GMDS: variants seen among roughly 807,000 people sequenced by gnomAD.
GMDS encodes GDP-mannose 4,6 dehydratase.
A neutral mutation model predicts 49.9 loss-of-function variants in GMDS; 20 were observed. The ratio of observed to expected loss-of-function variants is 0.40; its 90% CI spans 0.28 to 0.58. The LOEUF (loss-of-function observed/expected upper bound fraction) is 0.58, where lower values mean the gene tolerates loss of function less well. GMDS is among the 20% of genes least tolerant of loss of function. The pLI is 0.42. For synonymous variants in GMDS, 177 were observed against 178.6 expected, an observed-to-expected ratio of 0.99 and a Z score of 0.07; for missense variants, 362 against 481.4, an observed-to-expected ratio of 0.75 and a Z score of 2.32.
chr6:1,629,295 AAC>A (rs1762929330), intron 9 of GMDS, among the ~76,000 whole-genome samples: 2 of 152,182 alleles, frequency 1.3e-5, no homozygotes, highest in Admixed American at 1.3e-4. Flanking sequence ...AGCGGTAATG[AAC>A]ATTTCCCCTC....
chr6:2,039,305 G>A (rs1166850815), intron 4 of GMDS, among the ~76,000 whole-genome samples: 1 of 152,098 alleles, frequency 6.6e-6, no homozygotes, highest in African/African-American at 2.4e-5. Context: ...TTGATGTGAA[G>A]GCCTAGGACA....
At chr6:2,012,075 A>G (rs1277247973) in intron 4 of GMDS, among the ~76,000 whole-genome samples, 1 of 152,200 alleles carries the variant, frequency 6.6e-6, no homozygotes, top group African/African-American at 2.4e-5. Context: ...GTACACATGG[A>G]CATAGAGAGT....
chr6:1,854,786 G>A (rs185919671), intron 7 of GMDS, among the ~76,000 whole-genome samples: 1 of 152,282 alleles, frequency 6.6e-6, no homozygotes, highest in Non-Finnish European at 1.5e-5. Flanking sequence ...TTAGAGGAGA[G>A]GAGATACCTC....
chr6:2,016,919 T>G (rs182792944), intron 4 of GMDS, among the ~76,000 whole-genome samples: 3 of 152,266 alleles, frequency 2.0e-5, no homozygotes, highest in African/African-American at 7.2e-5. Context: ...GCTGGGAGGC[T>G]AATTATGGTT....
chr6:1,669,917 CAAA>C (rs66490758), intron 9 of GMDS, among the ~76,000 whole-genome samples: 43 of 45,224 alleles, frequency 9.5e-4, no homozygotes, highest in African/African-American at 3.7e-3. Flanking sequence ...GACTCCATCT[CAAA>C]AAAAAAAAAA....
At chr6:1,818,703 T>C (rs1032359511) in intron 7 of GMDS, among the ~76,000 whole-genome samples, 6 of 151,860 alleles carry the variant, frequency 4.0e-5, no homozygotes, top group Admixed American at 3.9e-4. Flanking sequence ...TGTATGTATG[T>C]ACATATATAC....
chr6:2,212,254 T>A (rs752635052), intron 1 of GMDS, among the ~76,000 whole-genome samples: 1 of 152,210 alleles, frequency 6.6e-6, no homozygotes, highest in African/African-American at 2.4e-5. Context: ...GGCTCTACTG[T>A]TATTTTCTAC....
intron 7 of GMDS, among the ~76,000 whole-genome samples, chr6:1,807,279 C>G (rs769590683): frequency 2.5e-4 from 38 of 152,172 alleles, no homozygotes; most frequent in African/African-American, 8.2e-4. Context: ...TGGGCTCAGG[C>G]AATCCTCCCA....
At chr6:1,814,588 C>A (rs1770578497) in intron 7 of GMDS, among the ~76,000 whole-genome samples, 1 of 152,098 alleles carries the variant, frequency 6.6e-6, no homozygotes, top group African/African-American at 2.4e-5. Context: ...TTTTAAGGAA[C>A]TCTAAAGTAA....
chr6:2,181,194 AAGAC>A (rs1464198733), intron 1 of GMDS, among the ~76,000 whole-genome samples: 10 of 151,248 alleles, frequency 6.6e-5, no homozygotes, highest in South Asian at 4.2e-4. Context: ...AAAAAAAAAA[AAGAC>A]AGATCGATGA....
At chr6:2,136,878 G>T (rs1401307217) in intron 1 of GMDS, among the ~76,000 whole-genome samples, 1 of 148,096 alleles carries the variant, frequency 6.8e-6, no homozygotes, top group East Asian at 2.0e-4. Context: ...ATTCTAGCCT[G>T]GGTGACAGAG....
chr6:1,803,685 G>GGT, intron 7 of GMDS, among the ~76,000 whole-genome samples: 1 of 152,296 alleles, frequency 6.6e-6, no homozygotes, highest in East Asian at 1.9e-4. Flanking sequence ...ATACCTGAGA[G>GGT]GTGTTGATCA....
At chr6:1,988,687 G>C (rs2127358826) in intron 4 of GMDS, among the ~76,000 whole-genome samples, 1 of 152,234 alleles carries the variant, frequency 6.6e-6, no homozygotes, top group Middle Eastern at 3.4e-3. Context: ...ATAGGCTTAA[G>C]TATTGTCAAT....
At chr6:2,199,090 C>G (rs1283277275) in intron 1 of GMDS, among the ~76,000 whole-genome samples, 3 of 152,176 alleles carry the variant, frequency 2.0e-5, no homozygotes, top group East Asian at 1.9e-4. Context: ...ATGTAATTCC[C>G]TAATTCATAT....
intron 7 of GMDS, among the ~76,000 whole-genome samples, chr6:1,874,677 G>C (rs1758944150): frequency 6.6e-6 from 1 of 152,112 alleles, no homozygotes; most frequent in African/African-American, 2.4e-5. Context: ...ATATACATGT[G>C]TATATATAAA....
At chr6:1,683,404 T>G (rs1764863476) in intron 9 of GMDS, among the ~76,000 whole-genome samples, 1 of 152,220 alleles carries the variant, frequency 6.6e-6, no homozygotes, top group South Asian at 2.1e-4. Context: ...ATTACAGGCG[T>G]GAGCCACCGC....
intron 7 of GMDS, 74 bp from the exon 8 acceptor site, chr6:1,742,660 T>A: frequency 1.3e-6 from 1 of 796,472 alleles, no homozygotes; most frequent in Non-Finnish European, 2.2e-6. Context: ...GTGCACATAA[T>A]CAGATATGGA....
intron 4 of GMDS, among the ~76,000 whole-genome samples, chr6:1,998,238 T>A (rs1261928296): frequency 1.3e-5 from 2 of 152,074 alleles, no homozygotes; most frequent in Non-Finnish European, 2.9e-5. Context: ...GAAAGAATCA[T>A]CAACCTAACG....
In GMDS at chr6:1,960,974, A is replaced by C. The variant is rs765001265; in HGVS notation, c.346-8T>G. The C allele has an allele frequency of 6.6e-7, 1 of 1,519,862 alleles. No homozygotes were observed. Among genetic ancestry groups the C allele is most frequent in the Non-Finnish European group, 9.0e-7 (1 of 1,114,398 alleles). 94.1% of individuals were successfully genotyped at this position (1,519,862 alleles called of 1,614,324 possible). A position where few individuals can be genotyped will look rare whatever the true frequency, so the allele number is the denominator to read the frequency against. On this transcript the variant is annotated splice_region_variant and splice_polypyrimidine_tract_variant and intron_variant, in intron 4 of 10. Coordinates refer to ENST00000380815, the MANE Select transcript of GMDS (RefSeq NM_001500.4). The stretch of plus-strand genomic sequence containing the variant: ...AGCGAGGTCAAAGGAAATCTGGAAA[A>C]AGCAGGCGGAGACAGGGCTGCATTA...
Sources: gnomAD v4.1 joint callset for allele counts (sites outside exome capture counted in the v4.1 genomes callset) on GRCh38, gnomAD v4.1.1 for gene constraint, MANE v1.5 for transcripts, NCBI Gene and HGNC (gene_info 2026-07-23, HGNC 2026-07-21) for gene names.